Variants in DNAJC15 observed in about 807,000 individuals in gnomAD.
DNAJC15 encodes DnaJ heat shock protein family (Hsp40) member C15, also known as dnaJ homolog subfamily C member 15.
Under a neutral mutation model 22.4 loss-of-function variants are expected in DNAJC15, and 27 were observed. The observed-to-expected ratio is 1.20, with a 90% confidence interval of 0.89 to 1.66. The LOEUF (loss-of-function observed/expected upper bound fraction) is 1.66, where lower values mean the gene tolerates loss of function less well. Ranked by LOEUF, DNAJC15 falls within the 40% of genes most tolerant of loss-of-function variation. The pLI, the probability that DNAJC15 is intolerant of heterozygous loss-of-function variation, is 0.00. For synonymous variants in DNAJC15, 79 were observed against 63.2 expected, an observed-to-expected ratio of 1.25 and a Z score of -1.19; for missense variants, 208 against 187.1, an observed-to-expected ratio of 1.11 and a Z score of -0.65.
intron 5 of DNAJC15, among the ~76,000 whole-genome samples, chr13:43,086,813 G>A (rs2040691004): frequency 6.6e-6 from 1 of 151,742 alleles, no homozygotes; most frequent in African/African-American, 2.4e-5. Context: ...TGAGCAAGTA[G>A]TGTTTAAAGA....
At chr13:43,053,890 T>C (rs560247059) in intron 1 of DNAJC15, among the ~76,000 whole-genome samples, 7 of 152,346 alleles carry the variant, frequency 4.6e-5, no homozygotes, top group Non-Finnish European at 1.0e-4. Flanking sequence ...CTTTACCGAT[T>C]TGGATGCCCT....
At chr13:43,055,921 G>A (rs981939237) in intron 1 of DNAJC15, among the ~76,000 whole-genome samples, 3 of 152,030 alleles carry the variant, frequency 2.0e-5, no homozygotes, top group Non-Finnish European at 2.9e-5. Context: ...TATCCCAGAG[G>A]TTTTGGTAGG....
intron 1 of DNAJC15, among the ~76,000 whole-genome samples, chr13:43,050,481 A>G (rs1024832169): frequency 1.3e-5 from 2 of 151,922 alleles, no homozygotes; most frequent in Non-Finnish European, 2.9e-5. Flanking sequence ...TAGTAGAGAC[A>G]GGGTCTTCTT....
intron 1 of DNAJC15, among the ~76,000 whole-genome samples, chr13:43,044,356 TCTAGGTG>T (rs2040466766): frequency 2.0e-5 from 3 of 152,186 alleles, no homozygotes; most frequent in Admixed American, 2.0e-4. Context: ...CCATTTACCC[TCTAGGTG>T]TTAGGAATTC....
chr13:43,088,235 A>G (rs2040698311), intron 5 of DNAJC15, among the ~76,000 whole-genome samples: 1 of 152,224 alleles, frequency 6.6e-6, no homozygotes, highest in Admixed American at 6.5e-5. Flanking sequence ...CAAATGTGTG[A>G]TACTTTTGTG....
intron 5 of DNAJC15, among the ~76,000 whole-genome samples, chr13:43,091,997 A>G (rs926659872): frequency 8.5e-5 from 13 of 152,192 alleles, no homozygotes; most frequent in Admixed American, 1.3e-4. Context: ...AATGTTCTAG[A>G]TATGTGAGTA....
At chr13:43,067,752 G>A (rs1263933701) in intron 2 of DNAJC15, among the ~76,000 whole-genome samples, 2 of 152,130 alleles carry the variant, frequency 1.3e-5, no homozygotes, top group African/African-American at 4.8e-5. Flanking sequence ...ACTTCTTGAA[G>A]CATTTAACTG....
intron 1 of DNAJC15, among the ~76,000 whole-genome samples, chr13:43,061,487 T>C (rs1188601501): frequency 6.6e-6 from 1 of 152,200 alleles, no homozygotes; most frequent in Non-Finnish European, 1.5e-5. Flanking sequence ...CAGCTTCCTT[T>C]GGAAGTAAAG....
chr13:43,052,679 A>C (rs2040510929), intron 1 of DNAJC15, among the ~76,000 whole-genome samples: 1 of 152,158 alleles, frequency 6.6e-6, no homozygotes, highest in African/African-American at 2.4e-5. Context: ...GGCCTCCCAA[A>C]AGTGCTGGAT....
chr13:43,108,406 A>T lies in DNAJC15; in HGVS notation c.*1158A>T, dbSNP rs2040808656. 2.0e-5 allele frequency: 3 copies of T among 152,220 alleles called. No homozygotes were observed. The highest frequency in any genetic ancestry group is 4.8e-5 in the African/African-American group (2 of 41,460). 9.4% of individuals were successfully genotyped at this position (152,220 alleles called of 1,614,324 possible). ...TCTTAGAACATAGTCCCTGATCATT[A>T]TCACTTTACTATTCCAAAGGTGAGA... On this transcript the variant is annotated 3_prime_UTR_variant, in exon 6 of 6. Coordinates refer to ENST00000379221, the MANE Select transcript of DNAJC15 (RefSeq NM_013238.3).
At chr13:43,102,117 G>A (rs1360710505) in intron 5 of DNAJC15, among the ~76,000 whole-genome samples, 1 of 151,906 alleles carries the variant, frequency 6.6e-6, no homozygotes, top group African/African-American at 2.4e-5. Context: ...TTTAATTATG[G>A]CCATTTTTGG....
intron 5 of DNAJC15, among the ~76,000 whole-genome samples, chr13:43,089,437 A>G (rs978795529): frequency 1.3e-5 from 2 of 152,342 alleles, no homozygotes; most frequent in African/African-American, 2.4e-5. Flanking sequence ...GAGAGAGGCA[A>G]CTTTACATAG....
intron 5 of DNAJC15, among the ~76,000 whole-genome samples, chr13:43,086,747 C>T (rs2040690679): frequency 6.6e-6 from 1 of 152,188 alleles, no homozygotes; most frequent in Admixed American, 6.5e-5. Context: ...TAAACAGTTT[C>T]AACAGTTACT....
Position 43,058,981 on chromosome 13 carries a change from A to C in DNAJC15, c.109-6705A>C, listed in dbSNP as rs1347030465. Among the ~76,000 whole-genome samples the C allele has an allele frequency of 2.6e-5, 4 of 152,096 alleles. No individual in the cohort carries two copies. The East Asian group carries it at 7.7e-4, about 29-fold the overall frequency. ...TAACGGTTTTTCTGCTGTCTCATGG[A>C]GTCTGCAATGGCAAGCTGCTGCTTT... On this transcript the variant is annotated intron_variant, in intron 1 of 5. Coordinates refer to ENST00000379221, the MANE Select transcript of DNAJC15 (RefSeq NM_013238.3).
intron 1 of DNAJC15, among the ~76,000 whole-genome samples, chr13:43,050,392 A>G (rs912842470): frequency 6.6e-6 from 1 of 151,918 alleles, no homozygotes; most frequent in Admixed American, 6.6e-5. Flanking sequence ...TGTGGCCTCA[A>G]TCTCCTGGGC....
intron 2 of DNAJC15, among the ~76,000 whole-genome samples, chr13:43,066,980 G>A (rs370957517): frequency 1.3e-5 from 2 of 152,164 alleles, no homozygotes; most frequent in East Asian, 3.8e-4. Context: ...TTAACTTACA[G>A]CAGTTTTAAA....
chr13:43,037,088 T>A (rs989371761), intron 1 of DNAJC15, among the ~76,000 whole-genome samples: 1 of 152,220 alleles, frequency 6.6e-6, no homozygotes, highest in Admixed American at 6.5e-5. Flanking sequence ...GCAGCTCTGC[T>A]GAATGTCCAG....
chr13:43,050,757 T>A (rs1016614690), intron 1 of DNAJC15, among the ~76,000 whole-genome samples: 3 of 152,220 alleles, frequency 2.0e-5, no homozygotes, highest in Admixed American at 1.3e-4. Context: ...TAGAGAATTT[T>A]TAAGATTTAA....
At chr13:43,098,293 T>G (rs1299571913) in intron 5 of DNAJC15, among the ~76,000 whole-genome samples, 1 of 152,202 alleles carries the variant, frequency 6.6e-6, no homozygotes, top group African/African-American at 2.4e-5. Context: ...TTCTGGAAGT[T>G]GGTAGAACAG....
Sources: allele counts gnomAD v4.1 joint callset (sites outside exome capture counted in the v4.1 genomes callset), GRCh38; gene constraint gnomAD v4.1.1; transcripts MANE v1.5; gene names NCBI Gene and HGNC (gene_info 2026-07-23, HGNC 2026-07-21).